DNAJC6: variants seen among roughly 807,000 people sequenced by gnomAD.
The protein encoded by DNAJC6 is DnaJ heat shock protein family (Hsp40) member C6.
Under a neutral mutation model 110.0 loss-of-function variants are expected in DNAJC6, and 34 were observed. The observed-to-expected ratio is 0.31, with a 90% CI of 0.24 to 0.41. DNAJC6 has a LOEUF of 0.41. DNAJC6 is among the 10% of genes least tolerant of loss of function. The probability of loss-of-function intolerance (pLI) is 1.00; values close to 1 mark genes in which losing one functional copy is unlikely to be tolerated. For missense variants in DNAJC6, 1,031 were observed against 1,207.8 expected, an observed-to-expected ratio of 0.85 and a Z score of 2.17; for synonymous variants, 406 against 437.2, an observed-to-expected ratio of 0.93 and a Z score of 0.89.
rs55792410 is a variant in DNAJC6 at position 65,362,047 on chromosome 1, T to C, written c.194-2588T>C. On this transcript the variant is annotated intron_variant, in intron 1 of 18. Coordinates refer to ENST00000371069, the MANE Select transcript of DNAJC6 (RefSeq NM_001256864.2). ...TCTTGGAAAATAATATTAATACATT[T>C]TTTGTGGATACAAACATATGGAATA... Among the ~76,000 whole-genome samples the C allele has an allele frequency of 6.7e-3, 1,021 of 152,326 alleles. 12 individuals carry two copies. The highest frequency in any genetic ancestry group is 0.023 in the African/African-American group (973 of 41,568).
At chr1:65,319,870 A>G (rs1400917747) in intron 1 of DNAJC6, among the ~76,000 whole-genome samples, 1 of 150,624 alleles carries the variant, frequency 6.6e-6, no homozygotes, top group Non-Finnish European at 1.5e-5. Context: ...CAACTTCCTT[A>G]TCCCTCTCTC....
intron 1 of DNAJC6, among the ~76,000 whole-genome samples, chr1:65,363,764 T>C (rs1645619934): frequency 6.6e-6 from 1 of 152,136 alleles, no homozygotes; most frequent in South Asian, 2.1e-4. Context: ...AAGAAGTATT[T>C]AGCCTAAAAT....
At chr1:65,402,450 G>A (rs1646039224) in intron 15 of DNAJC6, among the ~76,000 whole-genome samples, 1 of 152,206 alleles carries the variant, frequency 6.6e-6, no homozygotes, top group African/African-American at 2.4e-5. Flanking sequence ...AGATTGGGAA[G>A]CACTGGTTTC....
At chr1:65,351,877 G>T (rs1645493104) in intron 1 of DNAJC6, among the ~76,000 whole-genome samples, 1 of 152,114 alleles carries the variant, frequency 6.6e-6, no homozygotes, top group Non-Finnish European at 1.5e-5. Flanking sequence ...CAATTCTCCT[G>T]CTTCAGCCTC....
chr1:65,401,984 C>A, intron 15 of DNAJC6, 104 bp downstream of exon 15: 1 of 1,474,722 alleles, frequency 6.8e-7, no homozygotes, highest in Non-Finnish European at 9.2e-7. Context: ...TCACCTGGAA[C>A]CTCAAATAGT....
At chr1:65,320,075 T>C (rs1645184231) in intron 1 of DNAJC6, among the ~76,000 whole-genome samples, 1 of 152,230 alleles carries the variant, frequency 6.6e-6, no homozygotes, top group Admixed American at 6.5e-5. Flanking sequence ...TGAAGACTGG[T>C]GTCACTTTCC....
intron 1 of DNAJC6, among the ~76,000 whole-genome samples, chr1:65,273,147 T>C (rs541190362): frequency 2.5e-4 from 38 of 152,320 alleles, no homozygotes; most frequent in Non-Finnish European, 2.1e-4. Flanking sequence ...TATACATTTA[T>C]TTTTCATCTC....
intron 3 of DNAJC6, 39 bp from the exon 4 acceptor site, chr1:65,366,009 C>T (rs757048324): frequency 6.2e-7 from 1 of 1,613,196 alleles, no homozygotes; most frequent in East Asian, 2.2e-5. Context: ...CAGACGTAAA[C>T]ATTTAACCTG....
At chr1:65,309,264 G>A (rs998139570), upstream of DNAJC6, among the ~76,000 whole-genome samples, 1 of 19,606 alleles carries the variant, frequency 5.1e-5, no homozygotes, top group African/African-American at 1.9e-4. Flanking sequence ...CGACCACCCC[G>A]CCCCGTTTCC....
intron 1 of DNAJC6, among the ~76,000 whole-genome samples, chr1:65,265,543 A>G (rs896519249): frequency 2.0e-5 from 3 of 152,186 alleles, no homozygotes; most frequent in African/African-American, 7.2e-5. Flanking sequence ...ATTCTGTTAG[A>G]GGGATGGGGG....
chr1:65,278,822 C>T (rs1653755740), intron 1 of DNAJC6, among the ~76,000 whole-genome samples: 1 of 152,126 alleles, frequency 6.6e-6, no homozygotes, highest in African/African-American at 2.4e-5. Context: ...CCTTCTGACT[C>T]CTAGTTCATC....
In DNAJC6 at chr1:65,265,774, T is replaced by C. The variant is rs1001375746; in HGVS notation, c.-131+842T>C. Among the ~76,000 whole-genome samples, 4 of 152,104 alleles carry C rather than the reference T, an allele frequency of 2.6e-5. No individual in the cohort carries two copies. In the South Asian group the frequency reaches 8.3e-4, roughly 31 times the overall value. On this transcript the variant is annotated intron_variant, in intron 1 of 19. Transcript: ENST00000263441. ...CGATCCCGTTTCCAGGGGGAGCCCTTCCTTCCTATTGCGCTGGTCGTGCTC... is the reference window on the plus strand; with the variant it reads ...CGATCCCGTTTCCAGGGGGAGCCCTCCCTTCCTATTGCGCTGGTCGTGCTC...
intron 1 of DNAJC6, among the ~76,000 whole-genome samples, chr1:65,274,224 C>A (rs530514719): frequency 1.5e-4 from 23 of 152,046 alleles, no homozygotes; most frequent in Non-Finnish European, 1.2e-4. Context: ...TTATAATCTA[C>A]CTTTTTGATA....
intron 1 of DNAJC6, among the ~76,000 whole-genome samples, chr1:65,323,677 C>G (rs952512698): frequency 6.6e-6 from 1 of 151,782 alleles, no homozygotes; most frequent in Non-Finnish European, 1.5e-5. Context: ...CCCCCTGCAA[C>G]CTTCACCTCC....
chr1:65,392,577 A>G lies in DNAJC6; in HGVS notation c.1615A>G (p.Ser539Gly). Residue 539 changes from serine to glycine, a missense_variant, in exon 12 of 19, where the codon AGC becomes GGC. By Grantham distance (56) the Ser-to-Gly change is moderately conservative. Coordinates refer to ENST00000371069, the MANE Select transcript of DNAJC6 (RefSeq NM_001256864.2). ...CAAGCCTCATGGAGTCAAGAAGCCCAGCAAAAAGCAGCAGGAGCCAGCAGC... is the reference window on the plus strand; with the variant it reads ...CAAGCCTCATGGAGTCAAGAAGCCCGGCAAAAAGCAGCAGGAGCCAGCAGC... ...GDKPHGVKKP[S>G]KKQQEPAAPP... is the part of the protein sequence containing the mutation. The G allele has an allele frequency of 1.9e-6, 3 of 1,614,146 alleles. No homozygotes were observed. Among genetic ancestry groups the G allele is most frequent in the Non-Finnish European group, 2.5e-6 (3 of 1,180,008 alleles).
At chr1:65,317,390 C>T (rs1645157964) in intron 1 of DNAJC6, among the ~76,000 whole-genome samples, 1 of 152,164 alleles carries the variant, frequency 6.6e-6, no homozygotes, top group Non-Finnish European at 1.5e-5. Flanking sequence ...TAACATGTGC[C>T]AAGGGATCTG....
chr1:65,347,743 A>G (rs1169239509), intron 1 of DNAJC6, among the ~76,000 whole-genome samples: 1 of 151,938 alleles, frequency 6.6e-6, no homozygotes, highest in African/African-American at 2.4e-5. Flanking sequence ...GCACACACAC[A>G]CACGTGCACA....
rs185929700 is a variant in DNAJC6, at chr1:65,414,562, T to C, written c.*1537T>C. On this transcript the variant is annotated 3_prime_UTR_variant, in exon 19 of 19. Transcript: ENST00000371069. The stretch of plus-strand genomic sequence containing the variant: ...GAAAAGCGGCATGTCAAAAATACTT[T>C]AGGTTCTACATAGATCTCTTTCTCT... 6 of 152,802 alleles carry C rather than the reference T, an allele frequency of 3.9e-5. No individual in the cohort carries two copies. Among genetic ancestry groups the C allele is most frequent in the African/African-American group, 1.4e-4 (6 of 41,592 alleles). The allele number at this position is 152,802 out of a possible 1,614,324, so 9.5% of individuals were successfully genotyped here.
At chr1:65,311,248 G>A (rs534028843) in intron 1 of DNAJC6, among the ~76,000 whole-genome samples, 3 of 116,534 alleles carry the variant, frequency 2.6e-5, no homozygotes. Context: ...TTTTTGAGGC[G>A]GAGTCTCACT....
Sources: gnomAD v4.1 joint callset for allele counts (sites outside exome capture counted in the v4.1 genomes callset) on GRCh38, gnomAD v4.1.1 for gene constraint, MANE v1.5 for transcripts, NCBI Gene and HGNC (gene_info 2026-07-23, HGNC 2026-07-21) for gene names.